Variants in LIPI observed in about 807,000 individuals in gnomAD.
The protein encoded by LIPI is lipase member I.
In LIPI, 59 loss-of-function variants were observed where a neutral mutation model predicts 50.6. The observed-to-expected ratio is 1.16, with a 90% CI of 0.94 to 1.45. The LOEUF (loss-of-function observed/expected upper bound fraction) is 1.45. Ranked by LOEUF, LIPI falls within the 40% of genes most tolerant of loss-of-function variation. The pLI is 0.00. For missense variants in LIPI, 586 were observed against 536.3 expected (o/e 1.09, Z -0.92); for synonymous variants, 203 against 178.2 (o/e 1.14, Z -1.11).
rs1048146971 is a variant in LIPI, at chr21:14,202,355, T to A, written c.46+8445A>T. Among the ~76,000 whole-genome samples, 13 of 151,944 alleles carry A rather than the reference T, an allele frequency of 8.6e-5. No individual in the cohort carries two copies. In the East Asian group the frequency reaches 9.7e-4, roughly 11 times the overall value. ...TATTTTAAAGTTCATATGGAACCAA[T>A]AAAGAGCCCACATTGCCAAGTCAAT... On this transcript the variant is annotated intron_variant, in intron 1 of 9. Transcript: ENST00000681601.
intron 4 of LIPI, among the ~76,000 whole-genome samples, chr21:14,179,866 C>T (rs1022537657): frequency 4.6e-5 from 7 of 152,100 alleles, no homozygotes; most frequent in East Asian, 1.9e-4. Context: ...AGAATAACAG[C>T]GGCTTTTAGG....
At chr21:14,186,698 G>A (rs1268474356) in intron 2 of LIPI, among the ~76,000 whole-genome samples, 2 of 152,130 alleles carry the variant, frequency 1.3e-5, no homozygotes, top group Admixed American at 6.5e-5. Context: ...AGGCCTTCTT[G>A]TGGGTTAGGA....
intron 9 of LIPI, among the ~76,000 whole-genome samples, chr21:14,139,016 G>A (rs2123035958): frequency 6.6e-6 from 1 of 152,164 alleles, no homozygotes; most frequent in Non-Finnish European, 1.5e-5. Flanking sequence ...CTAGTAATTA[G>A]CTGAACTGAA....
At chr21:14,209,159 T>C (rs2020301066) in intron 1 of LIPI, among the ~76,000 whole-genome samples, 1 of 152,202 alleles carries the variant, frequency 6.6e-6, no homozygotes, top group Non-Finnish European at 1.5e-5. Context: ...AATATGCATA[T>C]ATGCATATAA....
At chr21:14,169,898 C>A (rs867758812) in intron 4 of LIPI, among the ~76,000 whole-genome samples, 1 of 151,946 alleles carries the variant, frequency 6.6e-6, no homozygotes, top group African/African-American at 2.4e-5. Flanking sequence ...ACACAAAAAA[C>A]CCTTCAAAAA....
intron 3 of LIPI, among the ~76,000 whole-genome samples, chr21:14,184,535 A>T (rs1402204590): frequency 6.6e-6 from 1 of 152,142 alleles, no homozygotes; most frequent in Non-Finnish European, 1.5e-5. Context: ...AAAAAAGTAA[A>T]ATATAATGTT....
chr21:14,135,541 G>A (rs931768274), intron 9 of LIPI, among the ~76,000 whole-genome samples: 2 of 152,120 alleles, frequency 1.3e-5, no homozygotes, highest in Non-Finnish European at 1.5e-5. Flanking sequence ...ATTCTGTGCT[G>A]TTCTGTTAGA....
At position 14,185,466 on chromosome 21, in the gene LIPI, T is replaced by C. The variant is rs554415544; in HGVS notation, c.541+495A>G. On this transcript the variant is annotated intron_variant, in intron 3 of 9. Transcript: ENST00000681601. Reference sequence around the variant, plus strand: ...TTCCATTTGGGTAACTTAAGCTCTGTTGAGAACTTAACAAAACTTTAGAGT... The same window carrying C: ...TTCCATTTGGGTAACTTAAGCTCTGCTGAGAACTTAACAAAACTTTAGAGT... 1.8e-3 allele frequency among the ~76,000 whole-genome samples: 270 copies of C among 152,352 alleles called. 1 individual carries two copies. The highest frequency in any genetic ancestry group is 2.8e-3 in the Non-Finnish European group (193 of 68,036).
At chr21:14,206,221 A>T (rs2020221359) in intron 1 of LIPI, among the ~76,000 whole-genome samples, 1 of 152,034 alleles carries the variant, frequency 6.6e-6, no homozygotes, top group African/African-American at 2.4e-5. Context: ...AGCAGCTGAG[A>T]CTCAAGTACC....
rs904200030 is a variant in LIPI at position 14,188,941 on chromosome 21, C to T, written c.432+93G>A. ...TGGGGAAAAGTATATAGTTTATTAT[C>T]ACTTTGTGGTATTGAATGTAACACA... is the stretch of plus-strand genomic sequence containing the variant. On this transcript the variant is annotated intron_variant, in intron 2 of 9. Transcript: ENST00000681601. 2.6e-4 allele frequency: 273 copies of T among 1,059,054 alleles called. 1 individual carries two copies. The highest frequency in any genetic ancestry group is 2.6e-3 in the Middle Eastern group (9 of 3,500). The allele number at this position is 1,059,054 out of a possible 1,614,324, so 65.6% of individuals were successfully genotyped here. A position where few individuals can be genotyped will look rare whatever the true frequency, so the allele number is the denominator to read the frequency against.
At chr21:14,191,079 G>A (rs1382736722) in intron 1 of LIPI, among the ~76,000 whole-genome samples, 5 of 151,904 alleles carry the variant, frequency 3.3e-5, no homozygotes, top group African/African-American at 1.2e-4. Flanking sequence ...TGGAGCAGGA[G>A]TAAAAAATAC....
At chr21:14,189,570 G>T in intron 1 of LIPI, 151 bp from the exon 2 acceptor site, 1 of 660,222 alleles carries the variant, frequency 1.5e-6, no homozygotes, top group South Asian at 2.1e-5. Context: ...CAATGTTGAA[G>T]GTAATGTATT....
chr21:14,115,024 A>G (rs569849634), intron 9 of LIPI, among the ~76,000 whole-genome samples: 1 of 152,322 alleles, frequency 6.6e-6, no homozygotes, highest in South Asian at 2.1e-4. Flanking sequence ...GAAGGAATTC[A>G]TGAATTTTAC....
At chr21:14,169,721 G>A (rs1182822853) in intron 4 of LIPI, among the ~76,000 whole-genome samples, 1 of 151,948 alleles carries the variant, frequency 6.6e-6, no homozygotes, top group African/African-American at 2.4e-5. Flanking sequence ...GCAGTGTGTA[G>A]AGGGAAATTT....
rs1390761378 is a variant in LIPI, at chr21:14,152,681, T to C, written c.1010A>G (p.Tyr337Cys). ...DTSGTYPFCT[Y>C]YFVLSIIVPD... ...AACAATTATACTGAGAACAAAATAA[T>C]AGGCTACAAAATAAAAATATAGAAT... Residue 337 changes from tyrosine (Y) to cysteine (C), a missense_variant, in exon 8 of 10, where the codon TAT (tyrosine) becomes TGT (cysteine). By Grantham distance (194) the Tyr-to-Cys change is radical. Coordinates refer to ENST00000681601, the MANE Select transcript of LIPI (RefSeq NM_001302998.2). The C allele has an allele frequency of 4.9e-6, 7 of 1,428,372 alleles. No individual in the cohort carries two copies. In the African/African-American group the frequency reaches 7.0e-5, roughly 14 times the overall value. The allele number at this position is 1,428,372 out of a possible 1,614,324, so 88.5% of individuals were successfully genotyped here.
At position 14,175,712 on chromosome 21, in the gene LIPI, A is replaced by G. The variant is rs760040696; in HGVS notation, c.643+6046T>C. The stretch of plus-strand genomic sequence containing the variant: ...CAAGGAAATAATTTTTGTGTTTTAT[A>G]TGAGTTCAAGGTTTTTTTCATCTTC... On this transcript the variant is annotated intron_variant, in intron 4 of 9. Transcript: ENST00000681601. 2.6e-4 allele frequency among the ~76,000 whole-genome samples: 39 copies of G among 152,300 alleles called. 2 individuals are homozygous for G. Among genetic ancestry groups the G allele is most frequent in the Non-Finnish European group, 1.2e-4 (8 of 68,034 alleles).
chr21:14,120,945 A>C (rs1232853273), intron 9 of LIPI, among the ~76,000 whole-genome samples: 1 of 152,220 alleles, frequency 6.6e-6, no homozygotes, highest in Non-Finnish European at 1.5e-5. Context: ...ACCTAAGGAA[A>C]GGGCCTACTC....
chr21:14,195,854 A>T (rs1475341991), intron 1 of LIPI, among the ~76,000 whole-genome samples: 1 of 152,164 alleles, frequency 6.6e-6, no homozygotes, highest in Non-Finnish European at 1.5e-5. Context: ...ATAATACTCG[A>T]CATCACTAGT....
chr21:14,201,475 A>C (rs2020050876), intron 1 of LIPI, among the ~76,000 whole-genome samples: 1 of 152,064 alleles, frequency 6.6e-6, no homozygotes, highest in Non-Finnish European at 1.5e-5. Context: ...CACATCAAGA[A>C]GCTTATCCAC....
Sources: gnomAD v4.1 joint callset for allele counts (sites outside exome capture counted in the v4.1 genomes callset) on GRCh38, gnomAD v4.1.1 for gene constraint, MANE v1.5 for transcripts, NCBI Gene and HGNC (gene_info 2026-07-23, HGNC 2026-07-21) for gene names.